The following OPRM1 variants were observed in gnomAD, a reference collection of about 807,000 sequenced individuals.
OPRM1 encodes the protein opioid receptor mu 1.
OPRM1 carries 27 observed loss-of-function variants against 31.8 expected under a neutral mutation model. The observed-to-expected ratio is 0.85, with a 90% confidence interval of 0.63 to 1.17. The LOEUF is 1.17. Among genes scored for constraint, OPRM1 ranks in the 50% most tolerant of loss-of-function variants. The pLI is 0.00. For missense variants in OPRM1, 536 were observed against 511.1 expected (o/e 1.05, Z -0.47); for synonymous variants, 196 against 189.9 (o/e 1.03, Z -0.26).
At chr6:154,094,283 A>T in intron 3 of OPRM1, 1 of 1,202,768 alleles carries the variant, frequency 8.3e-7, no homozygotes, top group South Asian at 1.3e-5. Flanking sequence ...ATTTCCATAC[A>T]GCGCAAAGTG....
At chr6:154,171,832 C>G (rs1799895437) in intron 3 of OPRM1, among the ~76,000 whole-genome samples, 2 of 152,098 alleles carry the variant, frequency 1.3e-5, no homozygotes, top group Admixed American at 6.5e-5. Flanking sequence ...TTTTAAGACA[C>G]AGTAATTTTA....
At chr6:154,138,030 A>G (rs975751290) in intron 3 of OPRM1, among the ~76,000 whole-genome samples, 2 of 152,228 alleles carry the variant, frequency 1.3e-5, no homozygotes, top group Middle Eastern at 3.2e-3. Flanking sequence ...TTCCCCTTCA[A>G]GGACTTCTGA....
intron 3 of OPRM1, among the ~76,000 whole-genome samples, chr6:154,113,618 G>A (rs1796568599): frequency 6.6e-6 from 1 of 152,180 alleles, no homozygotes; most frequent in Admixed American, 6.5e-5. Context: ...AGCTGTCTGA[G>A]TGATTGTGCA....
chr6:154,229,781 A>G (rs1722441755), intron 3 of OPRM1, among the ~76,000 whole-genome samples: 1 of 152,228 alleles, frequency 6.6e-6, no homozygotes, highest in Non-Finnish European at 1.5e-5. Context: ...AAATCGTTAT[A>G]ACAGCTTTAT....
At chr6:154,029,646 A>G (rs1208438122) in intron 1 of OPRM1, among the ~76,000 whole-genome samples, 3 of 152,216 alleles carry the variant, frequency 2.0e-5, no homozygotes, top group Non-Finnish European at 4.4e-5. Context: ...GTTGGATGAT[A>G]TGGTTTGGCT....
chr6:154,010,616 A>G lies in OPRM1; in HGVS notation c.-403A>G. 6 of 1,514,676 alleles carry G rather than the reference A, an allele frequency of 4.0e-6. No homozygotes were observed. In the South Asian group the frequency reaches 6.2e-5, roughly 16 times the overall value. 93.8% of individuals were successfully genotyped at this position (1,514,676 alleles called of 1,614,324 possible). A position where few individuals can be genotyped will look rare whatever the true frequency, so the allele number is the denominator to read the frequency against. On this transcript the variant is annotated 5_prime_UTR_variant, in exon 1 of 6. Transcript: ENST00000434900. ...CAAAGGAAGTGTGATCTGTCACAATATTGTATGCCTGCACTAAGTTTGCAT... is the reference window on the plus strand; with the variant it reads ...CAAAGGAAGTGTGATCTGTCACAATGTTGTATGCCTGCACTAAGTTTGCAT...
At chr6:154,197,449 A>G (rs1376977196) in intron 3 of OPRM1, among the ~76,000 whole-genome samples, 1 of 152,236 alleles carries the variant, frequency 6.6e-6, no homozygotes. Context: ...TCTGTAGCAT[A>G]TGAGAACTGC....
chr6:154,163,315 T>C (rs1799171981), intron 3 of OPRM1, among the ~76,000 whole-genome samples: 1 of 152,206 alleles, frequency 6.6e-6, no homozygotes, highest in Non-Finnish European at 1.5e-5. Context: ...GGTGTTTGTG[T>C]TTTTGTTCCT....
At chr6:154,024,699 ACT>A in intron 1 of OPRM1, among the ~76,000 whole-genome samples, 1 of 150,174 alleles carries the variant, frequency 6.7e-6, no homozygotes, top group Non-Finnish European at 1.5e-5. Flanking sequence ...CCCTCTTAGT[ACT>A]GCTTTGGCTA....
chr6:154,102,008 C>T (rs969232268), intron 3 of OPRM1, among the ~76,000 whole-genome samples: 1 of 152,138 alleles, frequency 6.6e-6, no homozygotes, highest in Non-Finnish European at 1.5e-5. Flanking sequence ...GGCACCAGCT[C>T]AGCTCCCTGC....
rs1050087537 is a variant in OPRM1 at position 154,116,521 on chromosome 6, G to A, written c.1165-2162G>A. On this transcript the variant is annotated intron_variant, in intron 3 of 3. Coordinates refer to ENST00000330432, the MANE Select transcript of OPRM1 (RefSeq NM_000914.5). ...AATTGCTTGAATCTGGGAGGTGGAG[G>A]TTGCAGTCAGGCAACATCATGCCAC... Among the ~76,000 whole-genome samples the A allele has an allele frequency of 2.7e-5, 4 of 150,784 alleles. 1 individual carries two copies. The highest frequency in any genetic ancestry group is 9.8e-5 in the African/African-American group (4 of 40,864).
intron 3 of OPRM1, among the ~76,000 whole-genome samples, chr6:154,169,336 G>C (rs1050744816): frequency 6.6e-6 from 1 of 152,128 alleles, no homozygotes; most frequent in South Asian, 2.1e-4. Context: ...ACTCCAGCCT[G>C]GGCTACAGAG....
intron 3 of OPRM1, among the ~76,000 whole-genome samples, chr6:154,165,758 G>A (rs1799377643): frequency 6.6e-6 from 1 of 152,246 alleles, no homozygotes; most frequent in African/African-American, 2.4e-5. Flanking sequence ...CAAAAGTAAT[G>A]TGATGTCATT....
chr6:154,143,407 C>A (rs892371461), intron 3 of OPRM1, among the ~76,000 whole-genome samples: 1 of 152,200 alleles, frequency 6.6e-6, no homozygotes, highest in African/African-American at 2.4e-5. Context: ...TCTTCATCTA[C>A]ATTTATTAAA....
rs1344473049 is a variant in OPRM1, at chr6:154,091,118, C to T, written c.810C>T (p.Ser270=). The change falls in exon 3 of 4, where the codon TCC becomes TCT. Residue 270 remains serine, a synonymous_variant. Coordinates refer to ENST00000330432, the MANE Select transcript of OPRM1 (RefSeq NM_000914.5). ...RLKSVRMLSG[S]KEKDRNLRRI... ...AGAGTGTCCGCATGCTCTCTGGCTC[C>T]AAAGAAAAGGACAGGAATCTTCGAA... 5 of 1,614,006 alleles carry T rather than the reference C, an allele frequency of 3.1e-6. No individual in the cohort carries two copies. Among genetic ancestry groups the T allele is most frequent in the Non-Finnish European group, 4.2e-6 (5 of 1,180,032 alleles).
chr6:154,197,073 A>C (rs1478469517), intron 3 of OPRM1, among the ~76,000 whole-genome samples: 1 of 152,192 alleles, frequency 6.6e-6, no homozygotes, highest in African/African-American at 2.4e-5. Flanking sequence ...CAGCAAATGC[A>C]TCCTGAGACT....
chr6:154,110,593 A>G (rs536406692), intron 3 of OPRM1: 7 of 554,078 alleles, frequency 1.3e-5, no homozygotes, highest in Non-Finnish European at 2.3e-5. Flanking sequence ...ACTGCTCAAG[A>G]ATTAGGACTC....
intron 3 of OPRM1, among the ~76,000 whole-genome samples, chr6:154,215,216 C>T (rs983671180): frequency 6.6e-6 from 1 of 152,202 alleles, no homozygotes; most frequent in African/African-American, 2.4e-5. Context: ...AAATATTGCA[C>T]CTTCCCACCT....
rs193125592 is a variant in OPRM1, at chr6:154,122,044, G to A, written c.*3323G>A. 6.6e-6 allele frequency among the ~76,000 whole-genome samples: 1 copy of A among 152,244 alleles called. No individual in the cohort carries two copies. The highest frequency in any genetic ancestry group is 6.5e-5 in the Admixed American group (1 of 15,278). On this transcript the variant is annotated 3_prime_UTR_variant, in exon 4 of 4. Transcript: ENST00000330432. ...TTCTCCAGCTTACGCCATGAATACT[G>A]CAGAAGCTGATACTATCCGTTGTGG...
Sources: gnomAD v4.1 joint callset for allele counts (sites outside exome capture counted in the v4.1 genomes callset) on GRCh38, gnomAD v4.1.1 for gene constraint, MANE v1.5 for transcripts, NCBI Gene and HGNC (gene_info 2026-07-23, HGNC 2026-07-21) for gene names.